Variants in GRM3 observed in about 807,000 individuals in gnomAD.
The protein encoded by GRM3 is glutamate metabotropic receptor 3, also known as metabotropic glutamate receptor 3.
Under a neutral mutation model 70.5 loss-of-function variants are expected in GRM3, and 26 were observed. The ratio of observed to expected loss-of-function variants is 0.37; its 90% CI spans 0.27 to 0.51. The LOEUF is 0.51. Ranked by LOEUF, GRM3 falls within the 20% of genes least tolerant of loss-of-function variation. The pLI is 0.93. For missense variants in GRM3, 859 were observed against 1,123.8 expected (o/e 0.76, Z 3.37); for synonymous variants, 443 against 434.9 (o/e 1.02, Z -0.23).
rs1249279808 is a variant in GRM3, at chr7:86,864,735, CT to C, written c.*382del. ...TTTCCTATGAAGTTTTTTGTAGGTC[CT>C]TGTTGTAACTAATTTAGGATGAGTT... On this transcript the variant is annotated 3_prime_UTR_variant, in exon 6 of 6. Coordinates refer to ENST00000361669, the MANE Select transcript of GRM3 (RefSeq NM_000840.3). The C allele has an allele frequency of 6.2e-6, 1 of 160,902 alleles. No homozygotes were observed. Among genetic ancestry groups the C allele is most frequent in the East Asian group, 1.6e-4 (1 of 6,144 alleles). 10.0% of individuals were successfully genotyped at this position (160,902 alleles called of 1,614,324 possible). A position where few individuals can be genotyped will look rare whatever the true frequency, so the allele number is the denominator to read the frequency against.
chr7:86,682,353 A>T (rs1441031788), intron 1 of GRM3, among the ~76,000 whole-genome samples: 1 of 152,192 alleles, frequency 6.6e-6, no homozygotes, highest in East Asian at 1.9e-4. Context: ...CTTGTATTTT[A>T]TGCGAATGCC....
intron 1 of GRM3, among the ~76,000 whole-genome samples, chr7:86,646,928 G>A (rs761366203): frequency 3.4e-4 from 52 of 152,072 alleles, no homozygotes; most frequent in Admixed American, 7.9e-4. Flanking sequence ...GTATAAATCC[G>A]ATGATTTAAC....
At chr7:86,720,457 G>C (rs1795430938) in intron 1 of GRM3, among the ~76,000 whole-genome samples, 1 of 152,010 alleles carries the variant, frequency 6.6e-6, no homozygotes, top group African/African-American at 2.4e-5. Flanking sequence ...TAAAGTCATG[G>C]GAGTGGATAA....
intron 1 of GRM3, among the ~76,000 whole-genome samples, chr7:86,736,823 G>T (rs1364074463): frequency 6.6e-6 from 1 of 152,132 alleles, no homozygotes; most frequent in Non-Finnish European, 1.5e-5. Flanking sequence ...GGAGAAACCA[G>T]ATTTAATGAA....
intron 3 of GRM3, among the ~76,000 whole-genome samples, chr7:86,821,173 G>A (rs1157798071): frequency 1.3e-5 from 2 of 151,674 alleles, no homozygotes; most frequent in Admixed American, 1.3e-4. Flanking sequence ...TGAATAAAGG[G>A]TTTTTTTTAA....
chr7:86,793,016 CTTTTTTT>C (rs140134217), intron 3 of GRM3, among the ~76,000 whole-genome samples: 171 of 94,376 alleles, frequency 1.8e-3, no homozygotes, highest in African/African-American at 7.4e-3. Context: ...GGTTGGTTGC[CTTTTTTT>C]TTTTTTTTTT....
At chr7:86,709,555 G>A (rs373910184) in intron 1 of GRM3, among the ~76,000 whole-genome samples, 1 of 151,952 alleles carries the variant, frequency 6.6e-6, no homozygotes, top group East Asian at 1.9e-4. Context: ...ACCCAGCCTT[G>A]TGGTACCTTC....
intron 5 of GRM3, 68 bp downstream of exon 5, chr7:86,850,612 C>G: frequency 1.0e-6 from 1 of 998,508 alleles, no homozygotes; most frequent in Admixed American, 1.7e-5. Flanking sequence ...CTGCCAAGAA[C>G]AGGCAACACA....
At chr7:86,736,773 A>C (rs1274685611) in intron 1 of GRM3, among the ~76,000 whole-genome samples, 1 of 152,184 alleles carries the variant, frequency 6.6e-6, no homozygotes, top group Non-Finnish European at 1.5e-5. Flanking sequence ...TTTGTAAAGA[A>C]GGCTAGGAAC....
chr7:86,771,804 G>A (rs1371958824), intron 2 of GRM3, among the ~76,000 whole-genome samples: 3 of 151,918 alleles, frequency 2.0e-5, no homozygotes, highest in Non-Finnish European at 4.4e-5. Flanking sequence ...ATTGAACAGG[G>A]GAAAGACGTC....
intron 1 of GRM3, among the ~76,000 whole-genome samples, chr7:86,710,893 T>C (rs1222211356): frequency 2.0e-5 from 3 of 151,986 alleles, no homozygotes; most frequent in South Asian, 4.1e-4. Flanking sequence ...ATGAGAAAAC[T>C]CAGGCACAGA....
intron 1 of GRM3, among the ~76,000 whole-genome samples, chr7:86,704,812 G>A (rs1012973): frequency 0.29 from 44,284 of 151,538 alleles, 7,993 homozygotes; most frequent in East Asian, 0.71. Context: ...ACCTTTCCTC[G>A]TTCTGTTCAG....
At chr7:86,729,507 A>G (rs1013525296) in intron 1 of GRM3, among the ~76,000 whole-genome samples, 11 of 152,246 alleles carry the variant, frequency 7.2e-5, no homozygotes, top group African/African-American at 2.7e-4. Flanking sequence ...CTTTACTAAC[A>G]TGGAGGAAAG....
rs144709020 is a variant in GRM3, at chr7:86,733,776, C to T, written c.-140-31230C>T. ...ACTTTACCCTCTCTCTGGGCACAAGCGAGCCTAGGTGCAAGTGAACCCAGA... is the reference window on the plus strand; with the variant it reads ...ACTTTACCCTCTCTCTGGGCACAAGTGAGCCTAGGTGCAAGTGAACCCAGA... On this transcript the variant is annotated intron_variant, in intron 1 of 5. Coordinates refer to ENST00000361669, the MANE Select transcript of GRM3 (RefSeq NM_000840.3). 1.3e-3 allele frequency among the ~76,000 whole-genome samples: 197 copies of T among 152,248 alleles called. 1 individual carries two copies. The highest frequency in any genetic ancestry group is 4.3e-3 in the African/African-American group (180 of 41,550).
intron 1 of GRM3, among the ~76,000 whole-genome samples, chr7:86,741,737 T>C (rs1019496494): frequency 1.1e-4 from 17 of 152,166 alleles, no homozygotes; most frequent in Non-Finnish European, 2.2e-4. Flanking sequence ...AACATATCTA[T>C]TTTCAAAATA....
chr7:86,766,272 C>T (rs534718464), intron 2 of GRM3, among the ~76,000 whole-genome samples: 18 of 151,854 alleles, frequency 1.2e-4, no homozygotes, highest in Admixed American at 1.1e-3. Flanking sequence ...TCCATTATTC[C>T]CACTAATTTT....
chr7:86,672,006 G>T (rs968169441), intron 1 of GRM3, among the ~76,000 whole-genome samples: 1 of 152,100 alleles, frequency 6.6e-6, no homozygotes, highest in Non-Finnish European at 1.5e-5. Context: ...TTTTCCTGTT[G>T]CTGCCACTTC....
chr7:86,670,022 A>C (rs1461768999), intron 1 of GRM3, among the ~76,000 whole-genome samples: 1 of 152,192 alleles, frequency 6.6e-6, no homozygotes, highest in Admixed American at 6.5e-5. Context: ...CTGTAGCTCT[A>C]AATATTTCAA....
intron 1 of GRM3, among the ~76,000 whole-genome samples, chr7:86,695,683 A>G (rs1045613589): frequency 1.9e-4 from 29 of 152,174 alleles, no homozygotes; most frequent in Admixed American, 2.0e-4. Flanking sequence ...AACAATGTCT[A>G]CCTCAAAAAA....
Sources: allele counts gnomAD v4.1 joint callset (sites outside exome capture counted in the v4.1 genomes callset), GRCh38; gene constraint gnomAD v4.1.1; transcripts MANE v1.5; gene names NCBI Gene and HGNC (gene_info 2026-07-23, HGNC 2026-07-21).